NID2: variants seen among roughly 807,000 people sequenced by gnomAD.
NID2 encodes nidogen 2, also known as nidogen-2.
In NID2, 83 loss-of-function variants were observed where a neutral mutation model predicts 145.4. The ratio of observed to expected loss-of-function variants is 0.57; its 90% CI spans 0.48 to 0.69. The LOEUF (loss-of-function observed/expected upper bound fraction) is 0.69, where lower values mean the gene tolerates loss of function less well. NID2 is among the 30% of genes least tolerant of loss of function. NID2 has a pLI of 0.00. For missense variants in NID2, 1,807 were observed against 1,765.7 expected, an observed-to-expected ratio of 1.02 and a Z score of -0.42; for synonymous variants, 739 against 701.3, an observed-to-expected ratio of 1.05 and a Z score of -0.85.
At chr14:52,024,300 A>C (rs1317759337) in intron 12 of NID2, among the ~76,000 whole-genome samples, 1 of 152,186 alleles carries the variant, frequency 6.6e-6, no homozygotes, top group Non-Finnish European at 1.5e-5. Flanking sequence ...CATTTTTGTG[A>C]TTATGACTTC....
At chr14:52,011,783 G>A (rs772428440) in intron 16 of NID2, 100 bp from the exon 17 acceptor site, 4 of 1,387,672 alleles carry the variant, frequency 2.9e-6, no homozygotes, top group East Asian at 2.3e-5. Flanking sequence ...GAGCAACACT[G>A]CACTGTGATC....
intron 12 of NID2, among the ~76,000 whole-genome samples, chr14:52,020,957 C>G (rs1282393861): frequency 6.6e-6 from 1 of 152,024 alleles, no homozygotes; most frequent in African/African-American, 2.4e-5. Flanking sequence ...ACTTACATTC[C>G]TTTTATTTAA....
At chr14:52,033,469 T>C (rs1473507388) in intron 9 of NID2, among the ~76,000 whole-genome samples, 1 of 151,724 alleles carries the variant, frequency 6.6e-6, no homozygotes, top group Non-Finnish European at 1.5e-5. Flanking sequence ...TGGTGGGGGG[T>C]GGCACTGCTG....
intron 5 of NID2, among the ~76,000 whole-genome samples, chr14:52,052,072 G>A (rs1892698922): frequency 1.3e-5 from 2 of 152,204 alleles, no homozygotes; most frequent in South Asian, 2.1e-4. Context: ...ACCCACAAAT[G>A]AGAAGGCCAT....
intron 5 of NID2, among the ~76,000 whole-genome samples, chr14:52,051,502 G>A (rs976108871): frequency 2.0e-5 from 3 of 152,102 alleles, no homozygotes; most frequent in Non-Finnish European, 4.4e-5. Flanking sequence ...GAAAAAGCCA[G>A]GCAGATGCCA....
chr14:52,066,639 A>C (rs769412546), intron 2 of NID2, among the ~76,000 whole-genome samples: 2 of 152,228 alleles, frequency 1.3e-5, no homozygotes, highest in Non-Finnish European at 2.9e-5. Flanking sequence ...TATAAGTCAC[A>C]GCATCCTTAC....
intron 9 of NID2, among the ~76,000 whole-genome samples, chr14:52,030,491 AAGAAAGAAAGAG>A (rs1222557223): frequency 2.0e-5 from 2 of 98,840 alleles, no homozygotes; most frequent in African/African-American, 7.5e-5. Context: ...AAAAGAAAGA[AAGAAAGAAAGAG>A]AAAGAAAGAA....
intron 5 of NID2, among the ~76,000 whole-genome samples, chr14:52,050,761 C>A (rs1160350198): frequency 6.6e-6 from 1 of 152,188 alleles, no homozygotes; most frequent in Non-Finnish European, 1.5e-5. Context: ...GTGAGCACCA[C>A]CACACCCGGC....
At chr14:52,016,736 A>C (rs1308904248) in intron 14 of NID2, among the ~76,000 whole-genome samples, 2 of 152,206 alleles carry the variant, frequency 1.3e-5, no homozygotes, top group African/African-American at 4.8e-5. Flanking sequence ...CAGCAGCCAG[A>C]ATGGCCCATT....
intron 20 of NID2, chr14:52,006,155 CCTCA>C (rs1890772819): frequency 2.4e-6 from 1 of 408,698 alleles, no homozygotes; most frequent in Non-Finnish European, 4.5e-6. Context: ...TTTTTCGGTC[CCTCA>C]GACAATATGT....
At chr14:52,053,062 T>C (rs1419267640) in intron 5 of NID2, among the ~76,000 whole-genome samples, 2 of 152,192 alleles carry the variant, frequency 1.3e-5, no homozygotes, top group African/African-American at 4.8e-5. Context: ...TGTTTAGTCA[T>C]TTTCTTTCCC....
At position 52,023,614 on chromosome 14, in the gene NID2, G is replaced by GA. The variant is rs1267039684; in HGVS notation, c.2675-3437_2675-3436insT. Reference sequence around the variant, plus strand: ...AACCCAGCTTCCTCCACTCACACTTGCTCCTCCTGGGAAGGTCCCAACTCA... The same window carrying GA: ...AACCCAGCTTCCTCCACTCACACTTGACTCCTCCTGGGAAGGTCCCAACTCA... On this transcript the variant is annotated intron_variant, in intron 12 of 21. Transcript: ENST00000216286. Among the ~76,000 whole-genome samples the GA allele has an allele frequency of 6.4e-4, 98 of 152,222 alleles. 1 individual carries two copies. Among genetic ancestry groups the GA allele is most frequent in the Admixed American group, 5.6e-3 (86 of 15,286 alleles).
chr14:52,043,721 C>A (rs933685818), intron 5 of NID2, among the ~76,000 whole-genome samples: 4 of 152,060 alleles, frequency 2.6e-5, no homozygotes, highest in African/African-American at 9.7e-5. Flanking sequence ...GCCATCTGTG[C>A]TGCAAAGAAA....
At chr14:52,061,223 A>T (rs1471321221) in intron 2 of NID2, among the ~76,000 whole-genome samples, 1 of 152,070 alleles carries the variant, frequency 6.6e-6, no homozygotes, top group Non-Finnish European at 1.5e-5. Context: ...CTAACCTTCA[A>T]ATGCTGCCAC....
chr14:52,068,907 C>G lies in NID2; in HGVS notation c.88G>C (p.Ala30Pro). The change falls in exon 1 of 22, where the codon GCG becomes CCG. Residue 30 changes from alanine (A) to proline (P), a missense_variant. Ala to Pro is a conservative substitution (Grantham distance 27). Coordinates refer to ENST00000216286, the MANE Select transcript of NID2 (RefSeq NM_007361.4). ...GGGAAGAGCTCGTCTGGGTGCAGCG[C>G]CGCGGCCCGCAACATTAGCAACGGC... ...LLPLLMLRAA[A>P]LHPDELFPHG... 2 of 1,614,070 alleles carry G rather than the reference C, an allele frequency of 1.2e-6. No individual in the cohort carries two copies. Among genetic ancestry groups the G allele is most frequent in the Non-Finnish European group, 1.7e-6 (2 of 1,180,020 alleles).
chr14:52,069,017 C>T lies in NID2; in HGVS notation c.-23G>A. ...CATGCTCGCTCGGCCGTGCGCTTACCCGCTGCACAACGCGTCCCGCCCCGG... is the reference window on the plus strand; with the variant it reads ...CATGCTCGCTCGGCCGTGCGCTTACTCGCTGCACAACGCGTCCCGCCCCGG... On this transcript the variant is annotated 5_prime_UTR_variant, in exon 1 of 22. Transcript: ENST00000216286. 1.3e-6 allele frequency: 2 copies of T among 1,572,484 alleles called. No individual in the cohort carries two copies. Among genetic ancestry groups the T allele is most frequent in the Non-Finnish European group, 1.7e-6 (2 of 1,151,462 alleles).
rs1383139354 is a variant in NID2 at position 52,007,851 on chromosome 14, G to T, written c.3839C>A (p.Thr1280Asn). 3.1e-6 allele frequency: 5 copies of T among 1,613,966 alleles called. No homozygotes were observed. Among genetic ancestry groups the T allele is most frequent in the South Asian group, 2.2e-5 (2 of 91,040 alleles). The change falls in exon 19 of 22, where the codon ACC (threonine) becomes AAC (asparagine). Residue 1280 changes from threonine to asparagine, a missense_variant. Coordinates refer to ENST00000216286, the MANE Select transcript of NID2 (RefSeq NM_007361.4). ...GAGCAGTTTAGAGAAAGGGTCAAAG[G>T]TTAAGCCATTGGGCAATCCAATGTC... Reference protein sequence around the residue: ...NTDIGLPNGLTFDPFSKLLCW... With the variant: ...NTDIGLPNGLNFDPFSKLLCW...
intron 2 of NID2, among the ~76,000 whole-genome samples, chr14:52,064,261 G>T (rs966214378): frequency 4.6e-5 from 7 of 152,166 alleles, no homozygotes; most frequent in African/African-American, 1.7e-4. Flanking sequence ...GTCTTCTGTT[G>T]TTTACAACAA....
At position 52,006,646 on chromosome 14, in the gene NID2, CCA is replaced by C; in HGVS notation, c.3893_3894del (p.Leu1298ArgfsTer6). 6.2e-7 allele frequency: 1 copy of C among 1,613,336 alleles called. No individual in the cohort carries two copies. On this transcript the variant is annotated frameshift_variant, in exon 20 of 22. Transcript: ENST00000216286. LOFTEE classifies it high-confidence loss of function. ...LCWADAGTKKLECTLPDGTGR... is the reference protein window; with the variant it reads ...LCWADAGTKKXECTLPDGTGR... ...CCAGTTCCATCAGGTAGTGTACACT[CCA>C]GTTTTTTGGTTCCTTTTAAAACAAA...
Sources: allele counts gnomAD v4.1 joint callset (sites outside exome capture counted in the v4.1 genomes callset), GRCh38; gene constraint gnomAD v4.1.1; transcripts MANE v1.5; gene names NCBI Gene and HGNC (gene_info 2026-07-23, HGNC 2026-07-21).